The following GPI variants were observed in gnomAD, a reference collection of about 807,000 sequenced individuals.
GPI encodes D-hexose-6-phosphate anomerase.
In GPI, 56 loss-of-function variants were observed where a neutral mutation model predicts 75.8. The observed-to-expected ratio is 0.74, with a 90% CI of 0.60 to 0.92. The LOEUF (loss-of-function observed/expected upper bound fraction) is 0.92. GPI is among the 40% of genes least tolerant of loss of function. The pLI is 0.00. For synonymous variants in GPI, 288 were observed against 285.4 expected, an observed-to-expected ratio of 1.01 and a Z score of -0.09; for missense variants, 638 against 741.0, an observed-to-expected ratio of 0.86 and a Z score of 1.61.
At chr19:34,380,664 C>T (rs1040422209) in intron 8 of GPI, among the ~76,000 whole-genome samples, 7 of 152,184 alleles carry the variant, frequency 4.6e-5, no homozygotes, top group African/African-American at 2.4e-5. Context: ...TGCCTGGCCT[C>T]GAGGTTGTGC....
rs1010193963 is a variant in GPI at position 34,379,408 on chromosome 19, A to T, written c.706-110A>T. The stretch of plus-strand genomic sequence containing the variant: ...GCCTTCTCCAACAGTCTCAGAACCA[A>T]GGACTGGGAATCTCAGTCCCATGCA... On this transcript the variant is annotated intron_variant, in intron 7 of 17. Transcript: ENST00000356487. 8.2e-6 allele frequency: 8 copies of T among 975,790 alleles called. No homozygotes were observed. The African/African-American group carries it at 1.3e-4, about 16-fold the overall frequency. 60.4% of individuals were successfully genotyped at this position (975,790 alleles called of 1,614,324 possible). A position where few individuals can be genotyped will look rare whatever the true frequency, so the allele number is the denominator to read the frequency against.
At chr19:34,373,471 C>T (rs149956996) in intron 4 of GPI, among the ~76,000 whole-genome samples, 151 of 149,958 alleles carry the variant, frequency 1.0e-3, no homozygotes, top group African/African-American at 3.5e-3. Context: ...GCAGGAGAAT[C>T]GCTTGAACCC....
intron 9 of GPI, among the ~76,000 whole-genome samples, chr19:34,389,368 C>T (rs1325644913): frequency 6.6e-6 from 1 of 152,200 alleles, no homozygotes; most frequent in Admixed American, 6.5e-5. Context: ...TAGCCGCAGA[C>T]TGTTCTCAGT....
chr19:34,365,802 G>A, intron 1 of GPI: 1 of 471,994 alleles, frequency 2.1e-6, no homozygotes, highest in Non-Finnish European at 4.2e-6. Flanking sequence ...CTGCAGGGCG[G>A]GCAGCCCGGG....
At chr19:34,395,817 T>G (rs1353690906) in intron 12 of GPI, among the ~76,000 whole-genome samples, 1 of 151,486 alleles carries the variant, frequency 6.6e-6, no homozygotes, top group African/African-American at 2.4e-5. Context: ...CTGGAGCATC[T>G]GGGCAGGACT....
In GPI at chr19:34,402,052, G is replaced by T. The variant is rs886392960; in HGVS notation, c.*2016G>T. 1.3e-5 allele frequency: 2 copies of T among 150,736 alleles called. No individual in the cohort carries two copies. The highest frequency in any genetic ancestry group is 3.0e-5 in the Non-Finnish European group (2 of 67,690). 9.3% of individuals were successfully genotyped at this position (150,736 alleles called of 1,614,324 possible). On this transcript the variant is annotated 3_prime_UTR_variant, in exon 18 of 18. Coordinates refer to ENST00000356487, the MANE Select transcript of GPI (RefSeq NM_000175.5). ...TCTTGATCTCCTGACCTCATGATCC[G>T]CCTGCTTTGGCCTCCCAAAGTGCTG...
chr19:34,368,513 A>T (rs1170202713), intron 3 of GPI, 70 bp from the exon 4 acceptor site: 2 of 1,567,526 alleles, frequency 1.3e-6, no homozygotes, highest in South Asian at 1.1e-5. Flanking sequence ...CTATGGCACC[A>T]TGCCCAGCTG....
rs375313737 is a variant in GPI, at chr19:34,381,450, GT to G, written c.751-5del. 10,620 of 1,289,746 alleles carry G rather than the reference GT, an allele frequency of 8.2e-3. No homozygotes were observed. Among genetic ancestry groups the G allele is most frequent in the Non-Finnish European group, 0.01 (9,333 of 916,194 alleles). 79.9% of individuals were successfully genotyped at this position (1,289,746 alleles called of 1,614,324 possible). A position where few individuals can be genotyped will look rare whatever the true frequency, so the allele number is the denominator to read the frequency against. ...TGCTTCTTTGCATTTCTCTCCCTTTGTTTTTTTTTTTGTAGACCAAAGTGAA... is the reference window on the plus strand; with the variant it reads ...TGCTTCTTTGCATTTCTCTCCCTTTGTTTTTTTTTTGTAGACCAAAGTGAA... On this transcript the variant is annotated splice_polypyrimidine_tract_variant and intron_variant, in intron 8 of 17. Coordinates refer to ENST00000356487, the MANE Select transcript of GPI (RefSeq NM_000175.5).
intron 4 of GPI, among the ~76,000 whole-genome samples, chr19:34,374,425 G>A (rs1021338868): frequency 5.9e-5 from 9 of 152,108 alleles, no homozygotes; most frequent in Non-Finnish European, 1.0e-4. Context: ...TCATAGTCCC[G>A]CTTCTGGCGC....
upstream of GPI, among the ~76,000 whole-genome samples, chr19:34,362,113 CAAAAAAA>C (rs71165651): frequency 0.015 from 1,180 of 79,672 alleles, 10 homozygotes; most frequent in Non-Finnish European, 0.024. Flanking sequence ...GACTCCATCT[CAAAAAAA>C]AAAAAAAAAA....
chr19:34,392,969 C>T, intron 9 of GPI: 1 of 495,184 alleles, frequency 2.0e-6, no homozygotes, highest in East Asian at 3.9e-5. Context: ...GTATGAGGTC[C>T]TGGGTCTGCT....
At chr19:34,395,149 C>G (rs1051920815) in intron 12 of GPI, among the ~76,000 whole-genome samples, 2 of 152,222 alleles carry the variant, frequency 1.3e-5, no homozygotes, top group Non-Finnish European at 2.9e-5. Context: ...TTCCCCAAAT[C>G]CCAGCTGCCT....
intron 9 of GPI, among the ~76,000 whole-genome samples, chr19:34,388,122 A>G (rs2074765244): frequency 1.3e-5 from 2 of 152,148 alleles, no homozygotes; most frequent in East Asian, 1.9e-4. Flanking sequence ...TAACCAGTCC[A>G]TGGTGTTGGT....
chr19:34,379,256 G>A (rs779817041), intron 7 of GPI, among the ~76,000 whole-genome samples: 10 of 152,196 alleles, frequency 6.6e-5, no homozygotes, highest in Admixed American at 5.9e-4. Flanking sequence ...GGCCCTTGGC[G>A]CTGCAGGAAC....
At chr19:34,367,065 G>T (rs1390096089) in intron 3 of GPI, 1 of 693,690 alleles carries the variant, frequency 1.4e-6, no homozygotes, top group Admixed American at 2.0e-5. Flanking sequence ...ATGGTTCCCA[G>T]TGTCTGCCTG....
Position 34,393,603 on chromosome 19 carries a change from G to A in GPI, c.866-125G>A, listed in dbSNP as rs922409302. 8 of 929,414 alleles carry A rather than the reference G, an allele frequency of 8.6e-6. No individual in the cohort carries two copies. The highest frequency in any genetic ancestry group is 1.6e-5 in the African/African-American group (1 of 61,816). The allele number at this position is 929,414 out of a possible 1,614,324, so 57.6% of individuals were successfully genotyped here. On this transcript the variant is annotated intron_variant, in intron 10 of 17. Coordinates refer to ENST00000356487, the MANE Select transcript of GPI (RefSeq NM_000175.5). The surrounding 1 kb of genome is among the most constrained non-coding windows in gnomAD (Gnocchi z 4.4). ...CACTGGAGGGGCTTTGTCTAGGTCC[G>A]AGTCCTCCCATGTCGTATCTTCTGG...
Position 34,376,543 on chromosome 19 carries a change from G to A in GPI, c.403-960G>A, listed in dbSNP as rs368361175. Among the ~76,000 whole-genome samples the A allele has an allele frequency of 2.7e-5, 4 of 148,208 alleles. No homozygotes were observed. In the South Asian group the frequency reaches 8.7e-4, roughly 32 times the overall value. ...CGTGCCGTTGTACTCCAGCCTGGGC[G>A]ACGGAGTGAGACCCTGTCTCAAAAA... On this transcript the variant is annotated intron_variant, in intron 4 of 17. Coordinates refer to ENST00000356487, the MANE Select transcript of GPI (RefSeq NM_000175.5).
At position 34,393,592 on chromosome 19, in the gene GPI, T is replaced by C. The variant is rs1438789352; in HGVS notation, c.866-136T>C. 24 of 847,776 alleles carry C rather than the reference T, an allele frequency of 2.8e-5. No homozygotes were observed. The highest frequency in any genetic ancestry group is 4.0e-6 in the Non-Finnish European group (2 of 504,326). The allele number at this position is 847,776 out of a possible 1,614,324, so 52.5% of individuals were successfully genotyped here. ...GGGCCACCTCTCACTGGAGGGGCTT[T>C]GTCTAGGTCCGAGTCCTCCCATGTC... On this transcript the variant is annotated intron_variant, in intron 10 of 17. Transcript: ENST00000356487. The surrounding 1 kb of genome is among the most constrained non-coding windows in gnomAD (Gnocchi z 4.4).
Position 34,393,535 on chromosome 19 carries a change from C to T in GPI, c.866-193C>T, listed in dbSNP as rs2074897678. On this transcript the variant is annotated intron_variant, in intron 10 of 17. Transcript: ENST00000356487. The surrounding 1 kb of genome is among the most constrained non-coding windows in gnomAD (Gnocchi z 4.4). ...TCACAACTGCAGTCCTGTTTCTCTC[C>T]TATCCTAGGCAGAGTCAGATCCCTG... is the stretch of plus-strand genomic sequence containing the variant. 3 of 708,890 alleles carry T rather than the reference C, an allele frequency of 4.2e-6. No homozygotes were observed. The highest frequency in any genetic ancestry group is 1.7e-5 in the African/African-American group (1 of 57,168). The allele number at this position is 708,890 out of a possible 1,614,324, so 43.9% of individuals were successfully genotyped here.
Sources: gnomAD v4.1 joint callset for allele counts (sites outside exome capture counted in the v4.1 genomes callset) on GRCh38, gnomAD v4.1.1 for gene constraint, Gnocchi (gnomAD v3.1) non-coding constraint, MANE v1.5 for transcripts, NCBI Gene and HGNC (gene_info 2026-07-23, HGNC 2026-07-21) for gene names.